COL23A1: variants seen among roughly 807,000 people sequenced by gnomAD.
COL23A1 encodes the protein collagen alpha-1(XXIII) chain.
COL23A1 carries 97 observed loss-of-function variants against 99.3 expected under a neutral mutation model. The ratio of observed to expected loss-of-function variants is 0.98; its 90% CI spans 0.83 to 1.16. COL23A1 has a LOEUF of 1.16. Ranked by LOEUF, COL23A1 falls within the 50% of genes most tolerant of loss-of-function variation. The pLI, the probability that COL23A1 is intolerant of heterozygous loss-of-function variation, is 0.00. For synonymous variants in COL23A1, 320 were observed against 308.2 expected (o/e 1.04, Z -0.40); for missense variants, 762 against 757.4 (o/e 1.01, Z -0.07).
At chr5:178,484,252 T>C (rs1460541943) in intron 2 of COL23A1, among the ~76,000 whole-genome samples, 1 of 152,148 alleles carries the variant, frequency 6.6e-6, no homozygotes, top group South Asian at 2.1e-4. Context: ...TTGTTTTCAT[T>C]TTTTCTGTTT....
At chr5:178,488,104 C>G (rs1169294341) in intron 2 of COL23A1, among the ~76,000 whole-genome samples, 2 of 152,180 alleles carry the variant, frequency 1.3e-5, no homozygotes, top group African/African-American at 4.8e-5. Context: ...CTGGCACACA[C>G]GGAGCACTCC....
At chr5:178,261,644 G>C in intron 11 of COL23A1, 78 bp downstream of exon 11, 6 of 999,408 alleles carry the variant, frequency 6.0e-6, no homozygotes, top group Non-Finnish European at 9.6e-6. Context: ...GGGGGGAAGA[G>C]ACAGGAAGTG....
rs1758349991 is a variant in COL23A1 at position 178,306,321 on chromosome 5, T to G, written c.406+554A>C. Among the ~76,000 whole-genome samples the G allele has an allele frequency of 1.4e-5, 1 of 72,706 alleles. No individual in the cohort carries two copies. Among genetic ancestry groups the G allele is most frequent in the African/African-American group, 4.8e-5 (1 of 20,820 alleles). 47.7% of individuals were successfully genotyped at this position (72,706 alleles called of 152,430 possible). On this transcript the variant is annotated intron_variant, in intron 3 of 28. Coordinates refer to ENST00000390654, the MANE Select transcript of COL23A1 (RefSeq NM_173465.4). This position sits in a 1 kb window ranked among gnomAD's most constrained non-coding sequence, Gnocchi z 4.1. The stretch of plus-strand genomic sequence containing the variant: ...ACGATGTCAGAGGGGCTTAGGGAAG[T>G]CCCTGGGCGAAGGGGGCAATCTGCT...
At chr5:178,426,314 C>T (rs1393792716) in intron 2 of COL23A1, among the ~76,000 whole-genome samples, 1 of 152,226 alleles carries the variant, frequency 6.6e-6, no homozygotes, top group Non-Finnish European at 1.5e-5. Context: ...TTAGTCTCAA[C>T]TTCAGCTCAT....
In COL23A1 at chr5:178,403,121, AAT is replaced by A. The variant is rs1297651578; in HGVS notation, c.362-96204_362-96203del. On this transcript the variant is annotated intron_variant, in intron 2 of 28. Transcript: ENST00000390654. ...GAGACTCCATCTCAAAAAAAAAAAAAATAAATAAATAAAAAATAAATACCATT... is the reference window on the plus strand; with the variant it reads ...GAGACTCCATCTCAAAAAAAAAAAAAAAATAAATAAAAAATAAATACCATT... Among the ~76,000 whole-genome samples the A allele has an allele frequency of 4.5e-3, 336 of 74,188 alleles. 27 individuals are homozygous for A. The highest frequency in any genetic ancestry group is 0.02 in the African/African-American group (325 of 16,172). The allele number at this position is 74,188 out of a possible 152,430, so 48.7% of individuals were successfully genotyped here.
At chr5:178,556,945 C>T (rs982622615) in intron 2 of COL23A1, among the ~76,000 whole-genome samples, 12 of 152,064 alleles carry the variant, frequency 7.9e-5, no homozygotes, top group Admixed American at 2.6e-4. Context: ...AAGAGTGAAA[C>T]GCTATCTCAA....
chr5:178,571,316 C>T lies in COL23A1; in HGVS notation c.295-10568G>A, dbSNP rs149990149. 5.3e-5 allele frequency among the ~76,000 whole-genome samples: 8 copies of T among 152,010 alleles called. No homozygotes were observed. The East Asian group carries it at 9.7e-4, about 18-fold the overall frequency. ...GACAGAGGTTGCAGTGAGCCAAGAT[C>T]GCACCACTGCACTCCAGCCTGGGTG... On this transcript the variant is annotated intron_variant, in intron 1 of 28. Coordinates refer to ENST00000390654, the MANE Select transcript of COL23A1 (RefSeq NM_173465.4).
intron 11 of COL23A1, among the ~76,000 whole-genome samples, chr5:178,260,072 G>A (rs1049751930): frequency 3.9e-5 from 6 of 152,188 alleles, no homozygotes; most frequent in Non-Finnish European, 7.3e-5. Context: ...CAGAGGCTCC[G>A]TCTCCGTCAG....
chr5:178,273,086 T>G (rs1201454210), intron 5 of COL23A1, among the ~76,000 whole-genome samples: 1 of 152,172 alleles, frequency 6.6e-6, no homozygotes, highest in African/African-American at 2.4e-5. Flanking sequence ...CCGGCCGCTC[T>G]CTCCTGCTCT....
intron 19 of COL23A1, among the ~76,000 whole-genome samples, 188 bp downstream of exon 19, chr5:178,248,929 G>C (rs1245090671): frequency 6.6e-6 from 1 of 152,234 alleles, no homozygotes; most frequent in Non-Finnish European, 1.5e-5. Flanking sequence ...TTCCAGACGA[G>C]GAAGTGGAGG....
rs551184331 is a variant in COL23A1, at chr5:178,468,496, G to A, written c.361+92186C>T. Among the ~76,000 whole-genome samples the A allele has an allele frequency of 2.0e-5, 3 of 152,188 alleles. No individual in the cohort carries two copies. The highest frequency in any genetic ancestry group is 1.9e-4 in the East Asian group (1 of 5,160). On this transcript the variant is annotated intron_variant, in intron 2 of 28. Coordinates refer to ENST00000390654, the MANE Select transcript of COL23A1 (RefSeq NM_173465.4). This position sits in a 1 kb window ranked among gnomAD's most constrained non-coding sequence, Gnocchi z 4.2. ...CTGCAGGGCACGAGATGATTATTTC[G>A]TTTCATCCTCACCCTGCCTCCCTCA...
chr5:178,577,649 G>T (rs1451590669), intron 1 of COL23A1, among the ~76,000 whole-genome samples: 1 of 152,210 alleles, frequency 6.6e-6, no homozygotes, highest in Non-Finnish European at 1.5e-5. Context: ...TACCAGCCCA[G>T]ACCAGAGCGA....
chr5:178,452,268 A>G lies in COL23A1; in HGVS notation c.361+108414T>C, dbSNP rs555021459. Among the ~76,000 whole-genome samples the G allele has an allele frequency of 6.6e-4, 100 of 152,320 alleles. 2 individuals carry two copies. In the South Asian group the frequency reaches 0.02, roughly 31 times the overall value. On this transcript the variant is annotated intron_variant, in intron 2 of 28. Transcript: ENST00000390654. ...AACTAATAGGGGAAATATATGGAAT[A>G]TTCAATTATCAGTTGAAACAACTGA...
intron 2 of COL23A1, chr5:178,350,748 G>A (rs993924549): frequency 1.3e-5 from 2 of 152,382 alleles, no homozygotes; most frequent in Non-Finnish European, 2.9e-5. Flanking sequence ...GTTAGGCCCT[G>A]TGTGTGGCCT....
In COL23A1 at chr5:178,589,599, A is replaced by C. The variant is rs1364269355; in HGVS notation, c.294+305T>G. Among the ~76,000 whole-genome samples the C allele has an allele frequency of 6.6e-6, 1 of 151,774 alleles. No individual in the cohort carries two copies. Among genetic ancestry groups the C allele is most frequent in the East Asian group, 2.0e-4 (1 of 5,128 alleles). ...CGGGAAGCGGCGTGTCCGAGCGCAC[A>C]CCCCGTGGAGACTGACCCTAGGTCT... On this transcript the variant is annotated intron_variant, in intron 1 of 28. Coordinates refer to ENST00000390654, the MANE Select transcript of COL23A1 (RefSeq NM_173465.4). This position sits in a 1 kb window ranked among gnomAD's most constrained non-coding sequence, Gnocchi z 5.4.
chr5:178,270,502 TG>T, intron 5 of COL23A1, 139 bp from the exon 6 acceptor site: 1 of 989,820 alleles, frequency 1.0e-6, no homozygotes, highest in Non-Finnish European at 1.6e-6. Flanking sequence ...CCATGTGGCC[TG>T]GGGCTGAGGG....
rs766120306 is a variant in COL23A1, at chr5:178,313,630, G to C, written c.362-6711C>G. ...CCTGAACATCTGTGTGTGATTTCCA[G>C]TGTGACCATGGCCAAGATTTTCTCA... On this transcript the variant is annotated intron_variant, in intron 2 of 28. Coordinates refer to ENST00000390654, the MANE Select transcript of COL23A1 (RefSeq NM_173465.4). The surrounding 1 kb of genome is among the most constrained non-coding windows in gnomAD (Gnocchi z 4.2). Among the ~76,000 whole-genome samples, 3 of 152,212 alleles carry C rather than the reference G, an allele frequency of 2.0e-5. No homozygotes were observed. The highest frequency in any genetic ancestry group is 4.4e-5 in the Non-Finnish European group (3 of 68,038).
chr5:178,570,383 T>A (rs1763033432), intron 1 of COL23A1, among the ~76,000 whole-genome samples: 1 of 152,116 alleles, frequency 6.6e-6, no homozygotes, highest in Admixed American at 6.5e-5. Context: ...AGTGCTGGGA[T>A]TATAGGTGTG....
chr5:178,250,751 G>A, intron 17 of COL23A1, among the ~76,000 whole-genome samples: 1 of 68,244 alleles, frequency 1.5e-5, no homozygotes, highest in South Asian at 7.3e-4. Flanking sequence ...GGGAGGCTGA[G>A]GTGGGTGGAT....
Sources: allele counts gnomAD v4.1 joint callset (sites outside exome capture counted in the v4.1 genomes callset), GRCh38; gene constraint gnomAD v4.1.1; non-coding constraint Gnocchi (gnomAD v3.1); transcripts MANE v1.5; gene names NCBI Gene and HGNC (gene_info 2026-07-23, HGNC 2026-07-21).